Variants in CREB5 observed in about 807,000 individuals in gnomAD.
The protein encoded by CREB5 is cyclic AMP-responsive element-binding protein 5.
In CREB5, 19 loss-of-function variants were observed where a neutral mutation model predicts 57.1. The ratio of observed to expected loss-of-function variants is 0.33; its 90% confidence interval spans 0.23 to 0.49. The LOEUF (loss-of-function observed/expected upper bound fraction) is 0.49, where lower values mean the gene tolerates loss of function less well. Ranked by LOEUF, CREB5 falls within the 20% of genes least tolerant of loss-of-function variation. The probability of loss-of-function intolerance (pLI) is 0.99; values close to 1 mark genes in which losing one functional copy is unlikely to be tolerated. For missense variants in CREB5, 579 were observed against 671.6 expected, an observed-to-expected ratio of 0.86 and a Z score of 1.52; for synonymous variants, 238 against 238.3, an observed-to-expected ratio of 1.00 and a Z score of 0.01.
At chr7:28,619,744 T>G (rs1188541255) in intron 5 of CREB5, among the ~76,000 whole-genome samples, 2 of 152,158 alleles carry the variant, frequency 1.3e-5, no homozygotes, top group African/African-American at 4.8e-5. Context: ...AGGATGACGA[T>G]GAAGGAAACC....
chr7:28,348,394 TCTGTCTCTCTCTCTCACACA>T (rs752716674), intron 1 of CREB5, among the ~76,000 whole-genome samples: 15 of 113,888 alleles, frequency 1.3e-4, no homozygotes, highest in East Asian at 5.1e-4. Flanking sequence ...TCTCTCTCTC[TCTGTCTCTCTCTCTCACACA>T]CACACACACA....
rs1554304539 is a variant in CREB5, at chr7:28,821,126, A to AGTG, written c.*1847_*1848insGTG. On this transcript the variant is annotated 3_prime_UTR_variant, in exon 11 of 11. Coordinates refer to ENST00000357727, the MANE Select transcript of CREB5 (RefSeq NM_182898.4). ...CTCCATTTGAATGCTTGACCTCTTA[A>AGTG]TGTGTGTGTGTGTGTGTGTGTGTGT... is the stretch of plus-strand genomic sequence containing the variant. The AGTG allele has an allele frequency of 4.8e-5, 7 of 146,442 alleles. No homozygotes were observed. In the South Asian group the frequency reaches 8.9e-4, roughly 19 times the overall value. The allele number at this position is 146,442 out of a possible 1,614,324, so 9.1% of individuals were successfully genotyped here.
chr7:28,414,675 A>G (rs1037662068), intron 1 of CREB5, among the ~76,000 whole-genome samples: 4 of 152,196 alleles, frequency 2.6e-5, no homozygotes, highest in African/African-American at 9.6e-5. Context: ...TGTTTTCACT[A>G]AAGAATTATT....
chr7:28,299,546 A>G (rs1224043347), intron 1 of CREB5: 2 of 152,222 alleles, frequency 1.3e-5, no homozygotes, highest in African/African-American at 4.8e-5. Context: ...GTTGCTCAAC[A>G]TGTGGCTACT....
chr7:28,406,405 C>G (rs1042448499), intron 1 of CREB5, among the ~76,000 whole-genome samples: 3 of 152,228 alleles, frequency 2.0e-5, no homozygotes, highest in Admixed American at 2.0e-4. Context: ...ATAGGTCCAA[C>G]CTCTCTGCCA....
intron 1 of CREB5, among the ~76,000 whole-genome samples, chr7:28,361,623 C>T (rs931824172): frequency 5.9e-5 from 9 of 152,170 alleles, no homozygotes; most frequent in African/African-American, 2.2e-4. Context: ...TCCTCTGGGG[C>T]CTGCTTTCAA....
intron 9 of CREB5, among the ~76,000 whole-genome samples, chr7:28,813,202 C>T (rs1389277696): frequency 6.6e-6 from 1 of 152,146 alleles, no homozygotes; most frequent in Non-Finnish European, 1.5e-5. Context: ...TCCTGTTGAC[C>T]TAACCCACTT....
chr7:28,731,092 T>G (rs2128751576), intron 7 of CREB5, among the ~76,000 whole-genome samples: 1 of 152,320 alleles, frequency 6.6e-6, no homozygotes, highest in Non-Finnish European at 1.5e-5. Context: ...GAATTTGAGT[T>G]TAGCTATTGT....
At chr7:28,693,501 A>C (rs745399094) in intron 5 of CREB5, among the ~76,000 whole-genome samples, 2 of 151,952 alleles carry the variant, frequency 1.3e-5, no homozygotes. Flanking sequence ...TCTGCCCTCA[A>C]TGGGGCTTGT....
intron 5 of CREB5, among the ~76,000 whole-genome samples, chr7:28,672,175 G>GAA (rs201063096): frequency 1.1e-5 from 1 of 88,138 alleles, no homozygotes; most frequent in Non-Finnish European, 2.5e-5. Flanking sequence ...TTGTATTATG[G>GAA]AAAAAAAAAA....
chr7:28,435,381 ATTTTTTTTT>A (rs34815040), intron 1 of CREB5, among the ~76,000 whole-genome samples: 2 of 103,516 alleles, frequency 1.9e-5, no homozygotes, highest in Non-Finnish European at 3.9e-5. Flanking sequence ...TTTCCCTTCC[ATTTTTTTTT>A]TTTTTTTTTT....
At chr7:28,486,084 C>A (rs925772844) in intron 1 of CREB5, among the ~76,000 whole-genome samples, 1 of 152,100 alleles carries the variant, frequency 6.6e-6, no homozygotes, top group Non-Finnish European at 1.5e-5. Context: ...TCACTGTATT[C>A]ATGGGTGGCC....
At chr7:28,342,605 A>G (rs1365408773) in intron 1 of CREB5, among the ~76,000 whole-genome samples, 1 of 152,220 alleles carries the variant, frequency 6.6e-6, no homozygotes, top group African/African-American at 2.4e-5. Context: ...TCAAACTTCT[A>G]TACAGTAGTA....
At chr7:28,427,461 A>G (rs1008751811) in intron 1 of CREB5, among the ~76,000 whole-genome samples, 3 of 152,220 alleles carry the variant, frequency 2.0e-5, no homozygotes, top group Admixed American at 1.3e-4. Flanking sequence ...AGAGAAATGT[A>G]TACTCTGACG....
Position 28,520,761 on chromosome 7 carries a change from G to A in CREB5, c.291+13024G>A, listed in dbSNP as rs138933077. On this transcript the variant is annotated intron_variant, in intron 4 of 10. Transcript: ENST00000357727. ...CAAATTCTTGGCTCCCCAGAGCCGT[G>A]TTGTAAATGGAGCACAGTGTACAGG... Among the ~76,000 whole-genome samples, 80 of 152,366 alleles carry A rather than the reference G, an allele frequency of 5.3e-4. 1 individual carries two copies. Among genetic ancestry groups the A allele is most frequent in the African/African-American group, 1.8e-3 (76 of 41,588 alleles).
chr7:28,454,644 A>T (rs1007907401), intron 1 of CREB5, among the ~76,000 whole-genome samples: 4 of 152,140 alleles, frequency 2.6e-5, no homozygotes, highest in African/African-American at 9.7e-5. Flanking sequence ...TATTTCCATG[A>T]TGCTTGGTTG....
chr7:28,359,919 G>A (rs1786434240), intron 1 of CREB5, among the ~76,000 whole-genome samples: 1 of 152,198 alleles, frequency 6.6e-6, no homozygotes, highest in African/African-American at 2.4e-5. Context: ...CAAAGGCCCT[G>A]AAGGGACATT....
intron 5 of CREB5, among the ~76,000 whole-genome samples, chr7:28,680,868 T>C (rs1306598827): frequency 1.3e-5 from 2 of 152,120 alleles, no homozygotes; most frequent in Non-Finnish European, 2.9e-5. Flanking sequence ...AGAACTGACA[T>C]CACCTTTCTT....
At chr7:28,354,113 GTAC>G (rs1786292818) in intron 1 of CREB5, among the ~76,000 whole-genome samples, 3 of 152,202 alleles carry the variant, frequency 2.0e-5, no homozygotes, top group Admixed American at 2.0e-4. Flanking sequence ...ATAAATTTGT[GTAC>G]TACTAAGGAG....
Sources: gnomAD v4.1 joint callset for allele counts (sites outside exome capture counted in the v4.1 genomes callset) on GRCh38, gnomAD v4.1.1 for gene constraint, MANE v1.5 for transcripts, NCBI Gene and HGNC (gene_info 2026-07-23, HGNC 2026-07-21) for gene names.